GPR39: variants seen among roughly 807,000 people sequenced by gnomAD.
GPR39 encodes the protein G protein-coupled receptor 39, also known as zinc sensing receptor.
Under a neutral mutation model 18.4 loss-of-function variants are expected in GPR39, and 23 were observed. The ratio of observed to expected loss-of-function variants is 1.25; its 90% confidence interval spans 0.90 to 1.77. GPR39 has a LOEUF of 1.77. Ranked by LOEUF, GPR39 falls within the 40% of genes most tolerant of loss-of-function variation. The probability of loss-of-function intolerance (pLI) is 0.00; values close to 1 mark genes in which losing one functional copy is unlikely to be tolerated. For synonymous variants in GPR39, 280 were observed against 257.9 expected (o/e 1.09, Z -0.82); for missense variants, 647 against 602.4 (o/e 1.07, Z -0.78).
chr2:132,609,236 T>C (rs1387251078), intron 1 of GPR39, among the ~76,000 whole-genome samples: 1 of 152,214 alleles, frequency 6.6e-6, no homozygotes, highest in African/African-American at 2.4e-5. Flanking sequence ...AGGTTTCTTC[T>C]TCCTCATTGC....
intron 1 of GPR39, among the ~76,000 whole-genome samples, chr2:132,549,212 T>C (rs191583863): frequency 6.6e-6 from 1 of 152,268 alleles, no homozygotes; most frequent in African/African-American, 2.4e-5. Flanking sequence ...TGGTGTGTAC[T>C]TGTGAGACTA....
At chr2:132,555,971 C>T (rs890693386) in intron 1 of GPR39, among the ~76,000 whole-genome samples, 1 of 152,024 alleles carries the variant, frequency 6.6e-6, no homozygotes, top group Non-Finnish European at 1.5e-5. Context: ...GGGCCCCAAC[C>T]CTAGAGTTCC....
At chr2:132,636,366 T>C (rs567638778) in intron 1 of GPR39, among the ~76,000 whole-genome samples, 2 of 152,272 alleles carry the variant, frequency 1.3e-5, no homozygotes, top group African/African-American at 4.8e-5. Context: ...TCACAGGCTT[T>C]GGGGGCTGGT....
At position 132,597,144 on chromosome 2, in the gene GPR39, C is replaced by G. The variant is rs116591799; in HGVS notation, c.857-47957C>G. On this transcript the variant is annotated intron_variant, in intron 1 of 1. Transcript: ENST00000329321. ...CTAAGCTACCCTAAATGCAGAGAGA[C>G]AGTAAAGGCACAGCCAAGGACTGGA... 4.4e-3 allele frequency among the ~76,000 whole-genome samples: 674 copies of G among 152,188 alleles called. 3 individuals are homozygous for G. Among genetic ancestry groups the G allele is most frequent in the African/African-American group, 0.015 (621 of 41,520 alleles).
At chr2:132,421,522 CTT>C (rs894407422) in intron 1 of GPR39, among the ~76,000 whole-genome samples, 20 of 152,110 alleles carry the variant, frequency 1.3e-4, no homozygotes, top group African/African-American at 4.6e-4. Context: ...TAATTACACT[CTT>C]TTGCATTCTG....
chr2:132,592,033 C>G (rs913912201), intron 1 of GPR39, among the ~76,000 whole-genome samples: 1 of 152,098 alleles, frequency 6.6e-6, no homozygotes, highest in African/African-American at 2.4e-5. Context: ...TAAACAGGGT[C>G]TTTTTCATTT....
chr2:132,435,215 T>C (rs1016734580), intron 1 of GPR39, among the ~76,000 whole-genome samples: 3 of 151,834 alleles, frequency 2.0e-5, no homozygotes, highest in Non-Finnish European at 4.4e-5. Context: ...TTGACCCGAG[T>C]GTGCCTGCCT....
intron 1 of GPR39, among the ~76,000 whole-genome samples, chr2:132,513,308 A>C (rs1417517159): frequency 6.6e-6 from 1 of 151,926 alleles, no homozygotes. Flanking sequence ...ACTAAAATAC[A>C]AAAAATTAGC....
chr2:132,482,434 G>A (rs375171684), intron 1 of GPR39, among the ~76,000 whole-genome samples: 3 of 152,070 alleles, frequency 2.0e-5, no homozygotes, highest in East Asian at 1.9e-4. Context: ...GAGTTTTCTC[G>A]AGTGAGAGAT....
At chr2:132,520,019 C>G (rs1293000911) in intron 1 of GPR39, among the ~76,000 whole-genome samples, 1 of 152,182 alleles carries the variant, frequency 6.6e-6, no homozygotes, top group Non-Finnish European at 1.5e-5. Flanking sequence ...AGCCTACAAG[C>G]TGTCCTGTGA....
intron 1 of GPR39, among the ~76,000 whole-genome samples, chr2:132,585,960 T>TG (rs1325325373): frequency 4.2e-5 from 6 of 142,180 alleles, no homozygotes; most frequent in East Asian, 4.3e-4. Flanking sequence ...TTTTTTTTTT[T>TG]TTTTTTTTTT....
chr2:132,536,954 G>C (rs564069170), intron 1 of GPR39, among the ~76,000 whole-genome samples: 10 of 152,214 alleles, frequency 6.6e-5, no homozygotes, highest in African/African-American at 2.4e-4. Context: ...TTTTGAGCCT[G>C]TGTGTGTCCC....
chr2:132,602,679 T>G (rs1212344317), intron 1 of GPR39, among the ~76,000 whole-genome samples: 2 of 151,412 alleles, frequency 1.3e-5, no homozygotes, highest in African/African-American at 4.8e-5. Flanking sequence ...AGAATTCAAA[T>G]AACTCAAAAG....
chr2:132,533,299 G>A (rs1470061090), intron 1 of GPR39, among the ~76,000 whole-genome samples: 2 of 152,020 alleles, frequency 1.3e-5, no homozygotes, highest in African/African-American at 2.4e-5. Context: ...GGATGTGAAG[G>A]ATCCCTTCAA....
rs138727104 is a variant in GPR39 at position 132,442,790 on chromosome 2, C to G, written c.856+24892C>G. On this transcript the variant is annotated intron_variant, in intron 1 of 1. Coordinates refer to ENST00000329321, the MANE Select transcript of GPR39 (RefSeq NM_001508.3). ...TTTTTTTTCTTACAATTTGTGGTTTCGGAGATATTCACAGATTCCCAACAC... is the reference window on the plus strand; with the variant it reads ...TTTTTTTTCTTACAATTTGTGGTTTGGGAGATATTCACAGATTCCCAACAC... Among the ~76,000 whole-genome samples the G allele has an allele frequency of 7.8e-3, 1,189 of 152,148 alleles. 17 individuals are homozygous for G. Among genetic ancestry groups the G allele is most frequent in the African/African-American group, 0.027 (1,108 of 41,490 alleles).
chr2:132,457,762 C>A (rs1162841425), intron 1 of GPR39, among the ~76,000 whole-genome samples: 1 of 152,226 alleles, frequency 6.6e-6, no homozygotes, highest in African/African-American at 2.4e-5. Flanking sequence ...AGGCAGTAGG[C>A]CTTGTTGAGC....
chr2:132,638,591 T>C (rs1681807263), intron 1 of GPR39, among the ~76,000 whole-genome samples: 1 of 152,210 alleles, frequency 6.6e-6, no homozygotes, highest in South Asian at 2.1e-4. Flanking sequence ...CCAAGGTTGG[T>C]GCTGATTTGG....
intron 1 of GPR39, among the ~76,000 whole-genome samples, chr2:132,456,894 C>A (rs1680738274): frequency 6.6e-6 from 1 of 152,186 alleles, no homozygotes; most frequent in Non-Finnish European, 1.5e-5. Flanking sequence ...TGACGTTTCT[C>A]TCTGGCTGCC....
chr2:132,573,172 A>G (rs577798405), intron 1 of GPR39, among the ~76,000 whole-genome samples: 1 of 152,240 alleles, frequency 6.6e-6, no homozygotes, highest in Admixed American at 6.5e-5. Flanking sequence ...AAATTTCCAG[A>G]TGTTTCCACA....
Sources: gnomAD v4.1 joint callset for allele counts (sites outside exome capture counted in the v4.1 genomes callset) on GRCh38, gnomAD v4.1.1 for gene constraint, MANE v1.5 for transcripts, NCBI Gene and HGNC (gene_info 2026-07-23, HGNC 2026-07-21) for gene names.